Variants in ADGRB3 observed in about 807,000 individuals in gnomAD.
The protein encoded by ADGRB3 is brain-specific angiogenesis inhibitor 3.
In ADGRB3, 37 loss-of-function variants were observed where a neutral mutation model predicts 193.4. The ratio of observed to expected loss-of-function variants is 0.19; its 90% CI spans 0.15 to 0.25. The LOEUF is 0.25. ADGRB3 is among the 10% of genes least tolerant of loss of function. ADGRB3 has a pLI of 1.00. For synonymous variants in ADGRB3, 690 were observed against 644.2 expected (o/e 1.07, Z -1.08); for missense variants, 1,637 against 1,852.9 (o/e 0.88, Z 2.14).
chr6:68,722,765 A>T (rs2127325411), intron 3 of ADGRB3, among the ~76,000 whole-genome samples: 1 of 151,784 alleles, frequency 6.6e-6, no homozygotes, highest in South Asian at 2.1e-4. Context: ...GTGAAGACCC[A>T]AATAGAAATC....
chr6:68,738,733 A>G (rs1046770094), intron 3 of ADGRB3, among the ~76,000 whole-genome samples: 2 of 152,190 alleles, frequency 1.3e-5, no homozygotes, highest in Non-Finnish European at 2.9e-5. Context: ...TTGCAGGAAG[A>G]TTACTAGTTT....
intron 6 of ADGRB3, among the ~76,000 whole-genome samples, chr6:68,951,535 C>T (rs1233982008): frequency 6.6e-6 from 1 of 152,152 alleles, no homozygotes; most frequent in East Asian, 1.9e-4. Context: ...ACAGCTCCCC[C>T]GTGGCGCAGT....
intron 13 of ADGRB3, among the ~76,000 whole-genome samples, chr6:69,043,237 G>A (rs963924307): frequency 1.6e-5 from 2 of 127,678 alleles, no homozygotes; most frequent in African/African-American, 5.9e-5. Context: ...GAAGGAAGGA[G>A]AAAGAAAGAA....
At chr6:68,682,239 A>G (rs762607002) in intron 3 of ADGRB3, among the ~76,000 whole-genome samples, 1 of 152,236 alleles carries the variant, frequency 6.6e-6, no homozygotes, top group Non-Finnish European at 1.5e-5. Flanking sequence ...ATAAAGCATT[A>G]TTTCAAGTGT....
intron 3 of ADGRB3, among the ~76,000 whole-genome samples, chr6:68,857,741 T>C (rs909219320): frequency 2.0e-5 from 3 of 152,088 alleles, no homozygotes; most frequent in Admixed American, 1.3e-4. Flanking sequence ...GAAGGCATGA[T>C]TGGTTTTGAA....
chr6:68,838,046 A>G (rs1582242197), intron 3 of ADGRB3, among the ~76,000 whole-genome samples: 2 of 152,196 alleles, frequency 1.3e-5, no homozygotes, highest in South Asian at 4.1e-4. Flanking sequence ...AAAACTCAGT[A>G]TTCAGAAAGA....
chr6:69,109,550 T>G, intron 17 of ADGRB3, among the ~76,000 whole-genome samples: 1 of 152,224 alleles, frequency 6.6e-6, no homozygotes, highest in East Asian at 1.9e-4. Context: ...AATTATGAGG[T>G]AGGTATCAGT....
intron 17 of ADGRB3, among the ~76,000 whole-genome samples, chr6:69,202,891 C>T (rs536439513): frequency 6.6e-6 from 1 of 152,086 alleles, no homozygotes; most frequent in Admixed American, 6.6e-5. Flanking sequence ...TGGCAGAGCA[C>T]GCAGGATGTG....
At chr6:68,805,877 C>A (rs1240680408) in intron 3 of ADGRB3, among the ~76,000 whole-genome samples, 2 of 151,820 alleles carry the variant, frequency 1.3e-5, no homozygotes, top group Non-Finnish European at 2.9e-5. Flanking sequence ...ATATTTGATA[C>A]AACACAATGT....
intron 3 of ADGRB3, among the ~76,000 whole-genome samples, chr6:68,883,488 A>G (rs1011337144): frequency 1.3e-5 from 2 of 152,160 alleles, no homozygotes; most frequent in East Asian, 1.9e-4. Context: ...CTTCTCGCTC[A>G]TTGGGTCTGT....
intron 13 of ADGRB3, among the ~76,000 whole-genome samples, chr6:69,025,009 G>C (rs867140644): frequency 6.6e-6 from 1 of 151,726 alleles, no homozygotes; most frequent in Non-Finnish European, 1.5e-5. Context: ...GGAGAATAGC[G>C]TGAACCCGGC....
rs1032891457 is a variant in ADGRB3 at position 68,700,255 on chromosome 6, T to G, written c.757+60823T>G. ...AAGTTTCAAATCCAAACAAGAAATC[T>G]TTAAGAAGGCATTAAATAAGTATGC... On this transcript the variant is annotated intron_variant, in intron 3 of 31. Coordinates refer to ENST00000370598, the MANE Select transcript of ADGRB3 (RefSeq NM_001704.3). Among the ~76,000 whole-genome samples, 6 of 152,164 alleles carry G rather than the reference T, an allele frequency of 3.9e-5. No individual in the cohort carries two copies. In the East Asian group the frequency reaches 1.2e-3, roughly 29 times the overall value.
At chr6:68,984,275 G>A (rs987864050) in intron 10 of ADGRB3, among the ~76,000 whole-genome samples, 5 of 152,146 alleles carry the variant, frequency 3.3e-5, no homozygotes, top group Non-Finnish European at 5.9e-5. Context: ...GACGAGAGAT[G>A]ATGGTGTCTT....
intron 15 of ADGRB3, among the ~76,000 whole-genome samples, chr6:69,052,727 A>C (rs1479650654): frequency 2.0e-5 from 3 of 152,170 alleles, no homozygotes; most frequent in Admixed American, 2.0e-4. Context: ...CTGTCCCTTG[A>C]GCTGCAATTT....
chr6:68,818,454 T>C (rs1218472423), intron 3 of ADGRB3, among the ~76,000 whole-genome samples: 4 of 152,056 alleles, frequency 2.6e-5, no homozygotes, highest in East Asian at 1.9e-4. Context: ...GTGTGATATA[T>C]GAAAGCAATG....
intron 3 of ADGRB3, among the ~76,000 whole-genome samples, chr6:68,761,128 C>A (rs924110857): frequency 6.6e-6 from 1 of 152,092 alleles, no homozygotes; most frequent in Admixed American, 6.6e-5. Context: ...CAGCTGCTGA[C>A]GGTAGTAAAC....
intron 16 of ADGRB3, among the ~76,000 whole-genome samples, chr6:69,069,939 A>G (rs1031860455): frequency 2.0e-5 from 3 of 152,088 alleles, no homozygotes; most frequent in African/African-American, 7.2e-5. Context: ...ATTTTAAAGT[A>G]ATGCCTTGCC....
chr6:68,650,111 T>C (rs1768326264), intron 3 of ADGRB3, among the ~76,000 whole-genome samples: 1 of 152,182 alleles, frequency 6.6e-6, no homozygotes, highest in African/African-American at 2.4e-5. Flanking sequence ...AGAGTATATA[T>C]AAAATAAATC....
intron 3 of ADGRB3, among the ~76,000 whole-genome samples, chr6:68,800,090 C>T (rs1355282063): frequency 1.3e-5 from 2 of 151,968 alleles, no homozygotes; most frequent in African/African-American, 4.8e-5. Context: ...CTTGAAAAAC[C>T]ACTGCAGCGG....
Sources: gnomAD v4.1 joint callset for allele counts (sites outside exome capture counted in the v4.1 genomes callset) on GRCh38, gnomAD v4.1.1 for gene constraint, MANE v1.5 for transcripts, NCBI Gene and HGNC (gene_info 2026-07-23, HGNC 2026-07-21) for gene names.